The following RIC3 variants were observed in gnomAD, a reference collection of about 807,000 sequenced individuals.
RIC3 encodes the protein RIC3 acetylcholine receptor chaperone.
Under a neutral mutation model 27.3 loss-of-function variants are expected in RIC3, and 28 were observed. The observed-to-expected ratio is 1.02, with a 90% CI of 0.76 to 1.41. RIC3 has a LOEUF of 1.41. RIC3 is among the 40% of genes most tolerant of loss of function. RIC3 has a pLI of 0.00. For synonymous variants in RIC3, 184 were observed against 160.4 expected (o/e 1.15, Z -1.11); for missense variants, 501 against 444.7 (o/e 1.13, Z -1.14).
intron 5 of RIC3, among the ~76,000 whole-genome samples, chr11:8,119,046 G>C (rs1946177196): frequency 6.6e-6 from 1 of 152,066 alleles, no homozygotes; most frequent in Non-Finnish European, 1.5e-5. Flanking sequence ...TCCAATCTCA[G>C]AATTACTGGA....
At chr11:8,099,893 G>C in the RIC3 span, among the ~76,000 whole-genome samples, 2 of 152,208 alleles carry the variant, frequency 1.3e-5, no homozygotes, top group South Asian at 2.1e-4. Flanking sequence ...TGGATACCAG[G>C]CAGTAAATGG....
At chr11:8,123,690 C>T (rs879336651) in intron 5 of RIC3, among the ~76,000 whole-genome samples, 6 of 152,004 alleles carry the variant, frequency 3.9e-5, no homozygotes, top group African/African-American at 1.4e-4. Flanking sequence ...AGTGAATGAA[C>T]GAATAGCACT....
intron 5 of RIC3, among the ~76,000 whole-genome samples, chr11:8,120,871 T>C (rs1167716959): frequency 6.6e-6 from 1 of 152,112 alleles, no homozygotes; most frequent in East Asian, 1.9e-4. Context: ...TTTTCAAACT[T>C]TTTAGGGAAA....
chr11:8,119,036 T>C (rs1946176279), intron 5 of RIC3, among the ~76,000 whole-genome samples: 1 of 151,894 alleles, frequency 6.6e-6, no homozygotes, highest in South Asian at 2.1e-4. Context: ...ATCAACAATA[T>C]CCAATCTCAG....
intron 1 of RIC3, among the ~76,000 whole-genome samples, chr11:8,165,296 AATTG>A (rs1446155151): frequency 1.8e-4 from 27 of 148,222 alleles, no homozygotes; most frequent in Non-Finnish European, 2.4e-4. Flanking sequence ...AATGTCCATC[AATTG>A]ATTAATGAAT....
chr11:8,097,545 C>G, the RIC3 span: 1 of 1,417,106 alleles, frequency 7.1e-7, no homozygotes, highest in South Asian at 1.2e-5. Flanking sequence ...AAAGAAACTG[C>G]CTTCGTGTCT....
rs540154376 is a variant in RIC3, at chr11:8,135,733, C to G, written c.521+1645G>C. On this transcript the variant is annotated intron_variant, in intron 4 of 5. Coordinates refer to ENST00000309737, the MANE Select transcript of RIC3 (RefSeq NM_001206671.4). ...AAGTTGGATTCCTGGTTTTCATGACCCTTAGGTGTGGCCTGGGGTTGCCAA... is the reference window on the plus strand; with the variant it reads ...AAGTTGGATTCCTGGTTTTCATGACGCTTAGGTGTGGCCTGGGGTTGCCAA... 9.2e-5 allele frequency: 14 copies of G among 152,180 alleles called. No homozygotes were observed. The South Asian group carries it at 2.9e-3, about 32-fold the overall frequency. The allele number at this position is 152,180 out of a possible 1,614,324, so 9.4% of individuals were successfully genotyped here.
intron 1 of RIC3, among the ~76,000 whole-genome samples, chr11:8,143,887 G>C (rs1386426725): frequency 6.6e-6 from 1 of 152,040 alleles, no homozygotes; most frequent in South Asian, 2.1e-4. Context: ...TATCTACAAC[G>C]ATCAGACCTT....
chr11:8,095,613 TGG>T, the RIC3 span: 1 of 1,612,062 alleles, frequency 6.2e-7, no homozygotes. Flanking sequence ...CGGCAGCTGG[TGG>T]GGGCGAACGG....
intron 4 of RIC3, among the ~76,000 whole-genome samples, chr11:8,130,280 C>T (rs544023116): frequency 7.2e-5 from 11 of 152,264 alleles, no homozygotes; most frequent in Non-Finnish European, 1.6e-4. Flanking sequence ...CAAGTTGGGC[C>T]AACTGTACTT....
chr11:8,154,839 A>G (rs1200953617), intron 1 of RIC3, among the ~76,000 whole-genome samples: 1 of 152,220 alleles, frequency 6.6e-6, no homozygotes, highest in Non-Finnish European at 1.5e-5. Flanking sequence ...TAATCTAGAA[A>G]ACAAAACAGC....
At chr11:8,122,071 G>A (rs998340489) in intron 5 of RIC3, among the ~76,000 whole-genome samples, 5 of 152,196 alleles carry the variant, frequency 3.3e-5, no homozygotes, top group Admixed American at 2.0e-4. Context: ...ACTACTACTA[G>A]TAATACAGAA....
chr11:8,122,099 T>TTA (rs1946523266), intron 5 of RIC3, among the ~76,000 whole-genome samples: 1 of 152,138 alleles, frequency 6.6e-6, no homozygotes, highest in African/African-American at 2.4e-5. Context: ...GTACCCTTTA[T>TTA]CCAGTTTCTC....
intron 1 of RIC3, among the ~76,000 whole-genome samples, chr11:8,163,069 C>CACACACACACACACA (rs1565138023): frequency 7.2e-5 from 10 of 138,256 alleles, no homozygotes; most frequent in South Asian, 2.4e-4. Flanking sequence ...ACACACACAC[C>CACACACACACACACA]CCCCAAAACA....
the RIC3 span, chr11:8,100,743 C>T: frequency 6.3e-7 from 1 of 1,580,614 alleles, no homozygotes; most frequent in Non-Finnish European, 8.6e-7. Flanking sequence ...ATCCAAGGAC[C>T]CCCATTCCCG....
chr11:8,119,281 C>T (rs898389513), intron 5 of RIC3, among the ~76,000 whole-genome samples: 11 of 152,136 alleles, frequency 7.2e-5, no homozygotes, highest in Admixed American at 2.0e-4. Flanking sequence ...ATCATGCTAC[C>T]TGACTTCAAA....
chr11:8,167,627 C>G (rs1440836771), intron 1 of RIC3, among the ~76,000 whole-genome samples: 1 of 139,612 alleles, frequency 7.2e-6, no homozygotes, highest in African/African-American at 2.7e-5. Context: ...AGATAATTCA[C>G]CATAATGGAA....
chr11:8,168,833 CG>C, intron 1 of RIC3, 32 bp downstream of exon 1: 1 of 1,598,526 alleles, frequency 6.3e-7, no homozygotes. Flanking sequence ...TCTTCGGCGC[CG>C]GGAAGCTCAG....
intron 1 of RIC3, among the ~76,000 whole-genome samples, chr11:8,151,585 C>CAAAAAAAAAA (rs60087055): frequency 1.1e-4 from 7 of 61,690 alleles, no homozygotes; most frequent in East Asian, 5.2e-4. Flanking sequence ...AACTCCGTCT[C>CAAAAAAAAAA]AAAAAAAAAA....
Sources: allele counts gnomAD v4.1 joint callset (sites outside exome capture counted in the v4.1 genomes callset), GRCh38; gene constraint gnomAD v4.1.1; transcripts MANE v1.5; gene names NCBI Gene and HGNC (gene_info 2026-07-23, HGNC 2026-07-21).